GPR107: variants seen among roughly 807,000 people sequenced by gnomAD.
GPR107 encodes the protein protein GPR107.
Under a neutral mutation model 75.5 loss-of-function variants are expected in GPR107, and 31 were observed. That is an observed-to-expected ratio of 0.41 (90% confidence interval 0.31 to 0.55). The LOEUF is 0.55. Among genes scored for constraint, GPR107 ranks in the 20% least tolerant of loss-of-function variants. The pLI, the probability that GPR107 is intolerant of heterozygous loss-of-function variation, is 0.26. For missense variants in GPR107, 572 were observed against 665.7 expected (o/e 0.86, Z 1.55); for synonymous variants, 267 against 251.3 (o/e 1.06, Z -0.59).
intron 3 of GPR107, among the ~76,000 whole-genome samples, chr9:130,076,886 G>GTTTTTTTTTT: frequency 7.3e-6 from 1 of 136,124 alleles, no homozygotes; most frequent in Non-Finnish European, 1.6e-5. Flanking sequence ...GTTTACTTTT[G>GTTTTTTTTTT]TTTTTTGTTT....
chr9:130,093,524 A>T (rs562114265), intron 9 of GPR107, among the ~76,000 whole-genome samples: 3 of 152,282 alleles, frequency 2.0e-5, no homozygotes, highest in African/African-American at 7.2e-5. Context: ...CTTCTAATGA[A>T]CATGCTCGGA....
intron 17 of GPR107, among the ~76,000 whole-genome samples, chr9:130,130,812 G>GT (rs1831808688): frequency 6.6e-6 from 1 of 150,632 alleles, no homozygotes; most frequent in Non-Finnish European, 1.5e-5. Context: ...GGAGGTTGCA[G>GT]TGTGCTGAGA....
At chr9:130,076,950 T>C (rs1830365527) in intron 3 of GPR107, among the ~76,000 whole-genome samples, 1 of 151,172 alleles carries the variant, frequency 6.6e-6, no homozygotes, top group Non-Finnish European at 1.5e-5. Context: ...TGCAATGGTG[T>C]GATCTTGGCT....
chr9:130,102,805 A>G (rs1314448822), intron 12 of GPR107, among the ~76,000 whole-genome samples: 1 of 152,172 alleles, frequency 6.6e-6, no homozygotes, highest in Non-Finnish European at 1.5e-5. Flanking sequence ...TCTTACTTTT[A>G]GACAGGGTCT....
chr9:130,060,770 A>G (rs1829910994), intron 1 of GPR107, among the ~76,000 whole-genome samples: 1 of 152,142 alleles, frequency 6.6e-6, no homozygotes, highest in Non-Finnish European at 1.5e-5. Context: ...TATGATAATT[A>G]TCCACAAATT....
chr9:130,100,211 G>T (rs1564674395), intron 10 of GPR107, among the ~76,000 whole-genome samples: 1 of 152,008 alleles, frequency 6.6e-6, no homozygotes, highest in South Asian at 2.1e-4. Context: ...ACTTTTTTAT[G>T]TTTCCAGATA....
Position 130,112,499 on chromosome 9 carries a change from A to G in GPR107, c.1306+4960A>G, listed in dbSNP as rs1831331055. Among the ~76,000 whole-genome samples, 1 of 152,144 alleles carries G rather than the reference A, an allele frequency of 6.6e-6. No individual in the cohort carries two copies. The highest frequency in any genetic ancestry group is 2.4e-5 in the African/African-American group (1 of 41,412). ...TCTGCCAGTAGCCACTGCATTCTTTACTGTCACCTACTCACAGGGGGTGAA... is the reference window on the plus strand; with the variant it reads ...TCTGCCAGTAGCCACTGCATTCTTTGCTGTCACCTACTCACAGGGGGTGAA... On this transcript the variant is annotated intron_variant, in intron 14 of 17. Coordinates refer to ENST00000347136, the MANE Select transcript of GPR107 (RefSeq NM_020960.5). The surrounding 1 kb of genome is among the most constrained non-coding windows in gnomAD (Gnocchi z 4.0).
chr9:130,086,182 G>T (rs1217393049), intron 6 of GPR107, among the ~76,000 whole-genome samples: 1 of 152,166 alleles, frequency 6.6e-6, no homozygotes, highest in Non-Finnish European at 1.5e-5. Flanking sequence ...CAAGGCAGGG[G>T]GTGGAGGTAG....
At chr9:130,099,334 A>T in intron 9 of GPR107, 123 bp from the exon 10 acceptor site, 2 of 608,278 alleles carry the variant, frequency 3.3e-6, no homozygotes, top group Admixed American at 2.9e-5. Flanking sequence ...AAAAAGTTTC[A>T]TGTTTGTGGT....
At position 130,123,855 on chromosome 9, in the gene GPR107, T is replaced by A. The variant is rs1249988267; in HGVS notation, c.1307-1060T>A. The stretch of plus-strand genomic sequence containing the variant: ...CAGAGAGGTTGCTAGGTAAGAAAGC[T>A]GCTGCGATTTTGCAGATTTTGCATC... On this transcript the variant is annotated intron_variant, in intron 14 of 17. Transcript: ENST00000347136. 3.9e-5 allele frequency among the ~76,000 whole-genome samples: 6 copies of A among 152,204 alleles called. No individual in the cohort carries two copies. In the South Asian group the frequency reaches 1.2e-3, roughly 31 times the overall value.
rs964508232 is a variant in GPR107, at chr9:130,053,942, C to A, written c.10C>A (p.Leu4Met). The change falls in exon 1 of 18, where the codon CTG becomes ATG. Residue 4 changes from leucine (L) to methionine (M), a missense_variant. Physicochemically the swap from Leu to Met is conservative, Grantham distance 15 (BLOSUM62 2). Transcript: ENST00000347136. Reference sequence around the variant, plus strand: ...TGATGCTGGAACAAACATGGCCGCTCTGGCGCCCGTCGGCTCCCCCGCCTC... The same window carrying A: ...TGATGCTGGAACAAACATGGCCGCTATGGCGCCCGTCGGCTCCCCCGCCTC... MAA[L>M]APVGSPASRG... The A allele has an allele frequency of 1.3e-6, 2 of 1,557,092 alleles. No homozygotes were observed. Among genetic ancestry groups the A allele is most frequent in the Non-Finnish European group, 8.7e-7 (1 of 1,152,216 alleles).
At chr9:130,115,795 C>T (rs1249433290) in intron 14 of GPR107, among the ~76,000 whole-genome samples, 8 of 151,222 alleles carry the variant, frequency 5.3e-5, no homozygotes, top group East Asian at 1.9e-4. Context: ...ATTAGCCAGC[C>T]GTGATGGTGC....
chr9:130,124,503 G>T (rs767661111), intron 14 of GPR107, among the ~76,000 whole-genome samples: 3 of 152,208 alleles, frequency 2.0e-5, no homozygotes, highest in Non-Finnish European at 4.4e-5. Context: ...GGTTCTCTGG[G>T]ACCAACCTGA....
intron 7 of GPR107, among the ~76,000 whole-genome samples, chr9:130,087,494 C>T (rs976439392): frequency 2.0e-5 from 3 of 151,798 alleles, no homozygotes; most frequent in Non-Finnish European, 2.9e-5. Context: ...CATGGTGAAA[C>T]ATCTCTACAA....
intron 5 of GPR107, among the ~76,000 whole-genome samples, chr9:130,082,096 G>A (rs1297400174): frequency 6.6e-6 from 1 of 152,088 alleles, no homozygotes; most frequent in Non-Finnish European, 1.5e-5. Context: ...ACCAGATCAT[G>A]CCTGAACTCG....
chr9:130,103,980 C>T lies in GPR107; in HGVS notation c.1132-440C>T, dbSNP rs1476491067. On this transcript the variant is annotated intron_variant, in intron 12 of 17. Coordinates refer to ENST00000347136, the MANE Select transcript of GPR107 (RefSeq NM_020960.5). This position sits in a 1 kb window ranked among gnomAD's most constrained non-coding sequence, Gnocchi z 4.3. ...GGCTGGGAGCATCTTGAAGTCTCCA[C>T]TCGCATCTGTCTTCTGGGCTGAGAA... 6.6e-6 allele frequency among the ~76,000 whole-genome samples: 1 copy of T among 152,178 alleles called. No individual in the cohort carries two copies. The highest frequency in any genetic ancestry group is 1.5e-5 in the Non-Finnish European group (1 of 68,044).
chr9:130,136,767 G>C lies in GPR107; in HGVS notation c.*1646G>C, dbSNP rs1410892307. ...TTTGATTCGCCATCTGGGTTCTGTA[G>C]GGTGCTCTGAAGGTGTGATCTGCCT... On this transcript the variant is annotated 3_prime_UTR_variant, in exon 18 of 18. Transcript: ENST00000347136. The C allele has an allele frequency of 1.3e-5, 2 of 152,306 alleles. No homozygotes were observed. Among genetic ancestry groups the C allele is most frequent in the Non-Finnish European group, 2.9e-5 (2 of 68,072 alleles). 9.4% of individuals were successfully genotyped at this position (152,306 alleles called of 1,614,324 possible). A position where few individuals can be genotyped will look rare whatever the true frequency, so the allele number is the denominator to read the frequency against.
chr9:130,062,655 TG>T (rs1564657685), intron 1 of GPR107, among the ~76,000 whole-genome samples: 3,133 of 61,730 alleles, frequency 0.051, 44 homozygotes, highest in Non-Finnish European at 0.058. Flanking sequence ...CCTGCCTGCC[TG>T]CCTGCCTTCC....
At chr9:130,090,744 C>T (rs1420332149) in intron 7 of GPR107, 132 bp from the exon 8 acceptor site, 1 of 440,918 alleles carries the variant, frequency 2.3e-6, no homozygotes, top group Admixed American at 4.2e-5. Context: ...TAACTTATTT[C>T]TAAGGTTTAG....
Sources: allele counts gnomAD v4.1 joint callset (sites outside exome capture counted in the v4.1 genomes callset), GRCh38; gene constraint gnomAD v4.1.1; non-coding constraint Gnocchi (gnomAD v3.1); transcripts MANE v1.5; gene names NCBI Gene and HGNC (gene_info 2026-07-23, HGNC 2026-07-21).